Variants in IKBKB-DT observed in about 807,000 individuals in gnomAD.
IKBKB-DT encodes IKBKB antisense RNA.
chr8:42,244,314 A>G (rs1033471454), intron 3 of IKBKB-DT, among the ~76,000 whole-genome samples: 7 of 152,184 alleles, frequency 4.6e-5, no homozygotes, highest in Admixed American at 3.9e-4. Context: ...TGGGAGAAGA[A>G]GATCTTGGAA....
exon 2 of IKBKB-DT, chr8:42,266,206 A>G (rs1216682113): frequency 2.0e-5 from 3 of 152,494 alleles, no homozygotes; most frequent in Non-Finnish European, 4.4e-5. Flanking sequence ...GGGTCATGAA[A>G]GAGTTGCTGA....
intron 3 of IKBKB-DT, among the ~76,000 whole-genome samples, chr8:42,238,229 T>C (rs999493287): frequency 5.9e-5 from 9 of 151,970 alleles, no homozygotes; most frequent in Admixed American, 4.6e-4. Context: ...CAACATTGGC[T>C]GAGTGGGGAG....
At chr8:42,234,888 C>T (rs1004259541) in intron 3 of IKBKB-DT, among the ~76,000 whole-genome samples, 2 of 152,190 alleles carry the variant, frequency 1.3e-5, no homozygotes. Flanking sequence ...CCTTGGCCTC[C>T]CAAAGTGCTG....
chr8:42,233,950 T>G (rs1806886869), intron 3 of IKBKB-DT: 1 of 152,170 alleles, frequency 6.6e-6, no homozygotes, highest in Admixed American at 6.5e-5. Flanking sequence ...AGCACTGATC[T>G]TAGGAGCCAT....
At chr8:42,266,972 C>A (rs1471586166) in intron 1 of IKBKB-DT, among the ~76,000 whole-genome samples, 1 of 151,320 alleles carries the variant, frequency 6.6e-6, no homozygotes, top group Non-Finnish European at 1.5e-5. Context: ...TCTGTTATTC[C>A]TTTACCTTCT....
At chr8:42,255,119 C>A (rs976981234) in intron 3 of IKBKB-DT, among the ~76,000 whole-genome samples, 2 of 151,628 alleles carry the variant, frequency 1.3e-5, no homozygotes, top group Non-Finnish European at 2.9e-5. Context: ...CACCTCTGCC[C>A]GGCCACCCCA....
intron 3 of IKBKB-DT, among the ~76,000 whole-genome samples, chr8:42,242,303 G>A (rs1359332700): frequency 6.6e-6 from 1 of 152,100 alleles, no homozygotes; most frequent in Non-Finnish European, 1.5e-5. Context: ...CCCTGTGGTT[G>A]GGATAAAGAT....
intron 3 of IKBKB-DT, among the ~76,000 whole-genome samples, chr8:42,235,522 T>C (rs570078507): frequency 6.6e-6 from 1 of 152,230 alleles, no homozygotes; most frequent in East Asian, 1.9e-4. Context: ...CCTTTTGAGA[T>C]GGCTTTTCAA....
At chr8:42,244,214 AT>A (rs1364608001) in intron 3 of IKBKB-DT, among the ~76,000 whole-genome samples, 1 of 152,222 alleles carries the variant, frequency 6.6e-6, no homozygotes, top group Non-Finnish European at 1.5e-5. Flanking sequence ...TGTCACATGG[AT>A]CAGGTAATTT....
chr8:42,258,506 C>G (rs532896018), intron 3 of IKBKB-DT, among the ~76,000 whole-genome samples: 61 of 151,526 alleles, frequency 4.0e-4, no homozygotes, highest in Non-Finnish European at 7.4e-4. Context: ...ACTCTGTCGC[C>G]CAGGCTGGAT....
chr8:42,237,628 C>T (rs967397494), intron 3 of IKBKB-DT, among the ~76,000 whole-genome samples: 3 of 152,050 alleles, frequency 2.0e-5, no homozygotes, highest in African/African-American at 7.2e-5. Context: ...GGACTGACAC[C>T]CACCCCTACC....
chr8:42,241,771 G>C (rs550273156), intron 3 of IKBKB-DT, among the ~76,000 whole-genome samples: 1 of 152,310 alleles, frequency 6.6e-6, no homozygotes, highest in African/African-American at 2.4e-5. Flanking sequence ...CTGCTTATAA[G>C]TAGCAGTGGT....
chr8:42,269,721 C>T (rs971794755), intron 1 of IKBKB-DT, among the ~76,000 whole-genome samples: 1 of 152,024 alleles, frequency 6.6e-6, no homozygotes, highest in Non-Finnish European at 1.5e-5. Context: ...CAGCCCTGGA[C>T]ACCATTGACC....
intron 2 of IKBKB-DT, among the ~76,000 whole-genome samples, chr8:42,263,791 C>A (rs1203313307): frequency 6.6e-6 from 1 of 152,122 alleles, no homozygotes; most frequent in East Asian, 1.9e-4. Context: ...GACAAAGAAA[C>A]CCTTACAAAT....
chr8:42,260,744 T>C (rs187835519), intron 3 of IKBKB-DT, among the ~76,000 whole-genome samples: 17 of 152,116 alleles, frequency 1.1e-4, no homozygotes, highest in Non-Finnish European at 1.9e-4. Flanking sequence ...CACTAAGTAT[T>C]CTTGGCAATA....
In IKBKB-DT at chr8:42,256,738, A is replaced by G. The variant is rs1043102279; in HGVS notation, n.1529+6591T>C. 7.2e-5 allele frequency among the ~76,000 whole-genome samples: 11 copies of G among 152,146 alleles called. 1 individual carries two copies. The highest frequency in any genetic ancestry group is 1.5e-4 in the Non-Finnish European group (10 of 68,028). On this transcript the variant is annotated intron_variant and non_coding_transcript_variant, in intron 3 of 3. Coordinates refer to ENST00000518213, the Ensembl canonical transcript of IKBKB-DT. Reference sequence around the variant, plus strand: ...TGAACGGTATGATCTTAAAGTCATCAGGAACGTGTACTTGTCCGTTTTCTC... The same window carrying G: ...TGAACGGTATGATCTTAAAGTCATCGGGAACGTGTACTTGTCCGTTTTCTC...
chr8:42,248,450 A>G (rs952502407), intron 3 of IKBKB-DT, among the ~76,000 whole-genome samples: 1 of 152,186 alleles, frequency 6.6e-6, no homozygotes, highest in African/African-American at 2.4e-5. Flanking sequence ...TGATGTAGAA[A>G]GGTAGATGTT....
chr8:42,268,370 C>G (rs984754092), intron 1 of IKBKB-DT, among the ~76,000 whole-genome samples: 2 of 151,794 alleles, frequency 1.3e-5, no homozygotes, highest in East Asian at 1.9e-4. Context: ...CTCCTGACCT[C>G]GTGATCTGCC....
intron 1 of IKBKB-DT, among the ~76,000 whole-genome samples, chr8:42,267,004 GTT>G (rs527900913): frequency 4.0e-5 from 5 of 125,600 alleles, no homozygotes; most frequent in African/African-American, 6.9e-5. Flanking sequence ...TTTTTTTTTT[GTT>G]TTTTTTTTTT....
Sources: gnomAD v4.1 joint callset for allele counts (sites outside exome capture counted in the v4.1 genomes callset) on GRCh38, gnomAD v4.1.1 for gene constraint, MANE v1.5 for transcripts, NCBI Gene and HGNC (gene_info 2026-07-23, HGNC 2026-07-21) for gene names.